Variants in PDE3A observed in about 807,000 individuals in gnomAD.
The protein encoded by PDE3A is phosphodiesterase 3A.
A neutral mutation model predicts 98.3 loss-of-function variants in PDE3A; 43 were observed. That is an observed-to-expected ratio of 0.44 (90% confidence interval 0.34 to 0.56). The LOEUF (loss-of-function observed/expected upper bound fraction) is 0.56. Ranked by LOEUF, PDE3A falls within the 20% of genes least tolerant of loss-of-function variation. The pLI, the probability that PDE3A is intolerant of heterozygous loss-of-function variation, is 0.01. For missense variants in PDE3A, 1,427 were observed against 1,440.7 expected, an observed-to-expected ratio of 0.99 and a Z score of 0.15; for synonymous variants, 663 against 567.9, an observed-to-expected ratio of 1.17 and a Z score of -2.38.
chr12:20,386,027 AT>A (rs1451508439), intron 1 of PDE3A, among the ~76,000 whole-genome samples: 38 of 93,982 alleles, frequency 4.0e-4, no homozygotes, highest in African/African-American at 5.3e-4. Context: ...AAATATATAT[AT>A]AAATATATAT....
rs573780380 is a variant in PDE3A, at chr12:20,562,777, G to A, written c.1011+6067G>A. ...CAGACTGTATTAGCTGGACTTAAAA[G>A]TACTTACAAGAAACAAATTTTTGTG... On this transcript the variant is annotated intron_variant, in intron 2 of 15. Coordinates refer to ENST00000359062, the MANE Select transcript of PDE3A (RefSeq NM_000921.5). Among the ~76,000 whole-genome samples, 4 of 152,210 alleles carry A rather than the reference G, an allele frequency of 2.6e-5. No individual in the cohort carries two copies. The East Asian group carries it at 7.7e-4, about 29-fold the overall frequency.
chr12:20,638,211 A>G (rs1220974196), intron 9 of PDE3A, among the ~76,000 whole-genome samples: 3 of 152,284 alleles, frequency 2.0e-5, no homozygotes, highest in Non-Finnish European at 4.4e-5. Flanking sequence ...ACATGTCTCA[A>G]TGTGGAACTT....
intron 1 of PDE3A, among the ~76,000 whole-genome samples, chr12:20,530,150 C>A (rs1946597949): frequency 6.6e-6 from 1 of 152,236 alleles, no homozygotes; most frequent in Admixed American, 6.5e-5. Flanking sequence ...TCGATCATTT[C>A]TTTCACTTCC....
intron 2 of PDE3A, chr12:20,572,053 A>T: frequency 5.0e-6 from 6 of 1,194,912 alleles, no homozygotes; most frequent in Non-Finnish European, 6.3e-6. Context: ...TATTCATGAA[A>T]GCATGTTTTT....
At chr12:20,531,156 G>A (rs1262399427) in intron 1 of PDE3A, among the ~76,000 whole-genome samples, 1 of 152,084 alleles carries the variant, frequency 6.6e-6, no homozygotes, top group African/African-American at 2.4e-5. Context: ...ATTCTGAGAC[G>A]AAATTGTTCC....
rs150082413 is a variant in PDE3A at position 20,369,509 on chromosome 12, G to A, written c.225G>A (p.Ala75=). 6 of 1,561,086 alleles carry A rather than the reference G, an allele frequency of 3.8e-6. No individual in the cohort carries two copies. Among genetic ancestry groups the A allele is most frequent in the Non-Finnish European group, 3.5e-6 (4 of 1,152,544 alleles). Residue 75 remains alanine (A), a synonymous_variant, in exon 1 of 16, where the codon GCG becomes GCA. Transcript: ENST00000359062. The part of the protein sequence containing the change: ...LCAGSLSFLL[A]LLVRLVRGEV... The stretch of plus-strand genomic sequence containing the variant: ...CGGGCTCCCTGTCCTTTCTGCTGGC[G>A]CTGCTGGTGAGGCTGGTCCGCGGGG...
In PDE3A at chr12:20,648,786, C is replaced by A; in HGVS notation, c.2664C>A (p.Asn888Lys). ...GGCCAGAGTATAACTTCTTAATTAA[C>A]CTTGACCATGTGGAATTTAAGCATT... ...MSRPEYNFLI[N>K]LDHVEFKHFR... The change falls in exon 13 of 16, where the codon AAC becomes AAA. Residue 888 changes from asparagine to lysine, a missense_variant. By Grantham distance (94) the Asn-to-Lys change is moderately conservative (BLOSUM62 0). Transcript: ENST00000359062. The A allele has an allele frequency of 4.3e-6, 7 of 1,613,006 alleles. No individual in the cohort carries two copies. Among genetic ancestry groups the A allele is most frequent in the Non-Finnish European group, 5.9e-6 (7 of 1,179,014 alleles).
intron 1 of PDE3A, among the ~76,000 whole-genome samples, chr12:20,526,340 C>T (rs1946517757): frequency 6.6e-6 from 1 of 152,136 alleles, no homozygotes; most frequent in Non-Finnish European, 1.5e-5. Context: ...AGCAATATTT[C>T]AATTTCATTG....
chr12:20,388,421 A>G (rs1943852211), intron 1 of PDE3A, among the ~76,000 whole-genome samples: 3 of 152,032 alleles, frequency 2.0e-5, no homozygotes, highest in Admixed American at 2.0e-4. Flanking sequence ...ATGCACATAT[A>G]TACCGAAACA....
chr12:20,514,259 C>T (rs1467472162), intron 1 of PDE3A, among the ~76,000 whole-genome samples: 1 of 152,082 alleles, frequency 6.6e-6, no homozygotes, highest in Non-Finnish European at 1.5e-5. Flanking sequence ...TCAAATCATC[C>T]TAGGATATTA....
chr12:20,586,835 G>A (rs1391537324), intron 2 of PDE3A, among the ~76,000 whole-genome samples: 4 of 152,078 alleles, frequency 2.6e-5, no homozygotes, highest in African/African-American at 9.7e-5. Context: ...ACATAATATT[G>A]TTTCTCAAAA....
At chr12:20,542,467 A>G (rs1375036831) in intron 1 of PDE3A, among the ~76,000 whole-genome samples, 1 of 114,998 alleles carries the variant, frequency 8.7e-6, no homozygotes, top group Non-Finnish European at 2.0e-5. Context: ...ACACACACAC[A>G]CACACATACA....
chr12:20,406,748 A>G (rs942278928), intron 1 of PDE3A, among the ~76,000 whole-genome samples: 4 of 151,976 alleles, frequency 2.6e-5, no homozygotes, highest in Non-Finnish European at 4.4e-5. Flanking sequence ...TTTGTTGCCT[A>G]TGCTTTCGGT....
chr12:20,551,991 C>T (rs2121254888), intron 1 of PDE3A: 9 of 1,612,576 alleles, frequency 5.6e-6, no homozygotes, highest in South Asian at 2.2e-5. Flanking sequence ...GCCGGAGCAA[C>T]GACGGAGCGT....
intron 1 of PDE3A, among the ~76,000 whole-genome samples, chr12:20,518,742 G>C (rs1946366935): frequency 6.6e-6 from 1 of 152,074 alleles, no homozygotes; most frequent in Admixed American, 6.6e-5. Context: ...CTTAATAATG[G>C]ATTTAAATGA....
chr12:20,677,272 G>A (rs1176150013), intron 15 of PDE3A, among the ~76,000 whole-genome samples: 4 of 152,002 alleles, frequency 2.6e-5, no homozygotes, highest in Non-Finnish European at 5.9e-5. Flanking sequence ...CTATCTCACT[G>A]AGATAGGCTT....
chr12:20,677,580 C>A (rs1353824204), intron 15 of PDE3A, among the ~76,000 whole-genome samples: 1 of 152,122 alleles, frequency 6.6e-6, no homozygotes, highest in East Asian at 1.9e-4. Flanking sequence ...CTGCCTCAGC[C>A]TTCCAAGTAG....
At chr12:20,486,288 G>A (rs746348435) in intron 1 of PDE3A, among the ~76,000 whole-genome samples, 4 of 152,102 alleles carry the variant, frequency 2.6e-5, no homozygotes, top group Non-Finnish European at 5.9e-5. Flanking sequence ...TTCGCAAGGT[G>A]GCAGGAAGGA....
In PDE3A at chr12:20,541,075, C is replaced by CTTTTTTTTTTTTTTT. The variant is rs777927679; in HGVS notation, c.961-15560_961-15546dup. On this transcript the variant is annotated intron_variant, in intron 1 of 15. Transcript: ENST00000359062. ...AATTGACAAGGACATTGGTAACTTT[C>CTTTTTTTTTTTTTTT]TTTTTTTTTTTTTTTTTTTTTTTTT... Among the ~76,000 whole-genome samples the CTTTTTTTTTTTTTTT allele has an allele frequency of 7.6e-5, 4 of 52,958 alleles. 1 individual carries two copies. The highest frequency in any genetic ancestry group is 1.4e-4 in the African/African-American group (2 of 14,682). The allele number at this position is 52,958 out of a possible 152,430, so 34.7% of individuals were successfully genotyped here.
Sources: allele counts gnomAD v4.1 joint callset (sites outside exome capture counted in the v4.1 genomes callset), GRCh38; gene constraint gnomAD v4.1.1; transcripts MANE v1.5; gene names NCBI Gene and HGNC (gene_info 2026-07-23, HGNC 2026-07-21).